GALNT18: variants seen among roughly 807,000 people sequenced by gnomAD.
GALNT18 encodes the protein polypeptide N-acetylgalactosaminyltransferase 18, also known as GalNAc-transferase 18.
In GALNT18, 44 loss-of-function variants were observed where a neutral mutation model predicts 69.5. The ratio of observed to expected loss-of-function variants is 0.63; its 90% CI spans 0.50 to 0.81. The LOEUF is 0.81. Ranked by LOEUF, GALNT18 falls within the 40% of genes least tolerant of loss-of-function variation. The probability of loss-of-function intolerance (pLI) is 0.00; values close to 1 mark genes in which losing one functional copy is unlikely to be tolerated. For missense variants in GALNT18, 715 were observed against 810.0 expected (o/e 0.88, Z 1.42); for synonymous variants, 364 against 318.2 (o/e 1.14, Z -1.53).
chr11:11,533,990 T>A (rs1358878984), intron 1 of GALNT18, among the ~76,000 whole-genome samples: 2 of 152,220 alleles, frequency 1.3e-5, no homozygotes, highest in Non-Finnish European at 2.9e-5. Flanking sequence ...TTGAGCTGTG[T>A]TGCTATGTGC....
intron 10 of GALNT18, among the ~76,000 whole-genome samples, chr11:11,279,881 T>G (rs1437469743): frequency 1.3e-5 from 2 of 152,178 alleles, no homozygotes; most frequent in Admixed American, 1.3e-4. Flanking sequence ...TGTTTCTGTA[T>G]GTATCCATGT....
At chr11:11,441,750 T>C (rs1855536101) in intron 2 of GALNT18, among the ~76,000 whole-genome samples, 1 of 152,178 alleles carries the variant, frequency 6.6e-6, no homozygotes, top group African/African-American at 2.4e-5. Context: ...GGTCCAGCAG[T>C]CATGGCCTAC....
chr11:11,614,278 G>A lies in GALNT18; in HGVS notation c.235+7081C>T, dbSNP rs139815238. ...AGACTCCAGGAAGCTTACAATCACA[G>A]CAGAAGGTAACAGGGAAGCAGGTAT... On this transcript the variant is annotated intron_variant, in intron 1 of 10. Coordinates refer to ENST00000227756, the MANE Select transcript of GALNT18 (RefSeq NM_198516.3). This position sits in a 1 kb window ranked among gnomAD's most constrained non-coding sequence, Gnocchi z 5.6. Among the ~76,000 whole-genome samples, 7 of 152,066 alleles carry A rather than the reference G, an allele frequency of 4.6e-5. No individual in the cohort carries two copies. In the East Asian group the frequency reaches 1.2e-3, roughly 25 times the overall value.
At chr11:11,379,543 A>G (rs1325429946) in intron 3 of GALNT18, among the ~76,000 whole-genome samples, 1 of 152,242 alleles carries the variant, frequency 6.6e-6, no homozygotes, top group African/African-American at 2.4e-5. Context: ...CTTCACAACA[A>G]GCCAATAGGA....
At position 11,358,826 on chromosome 11, in the gene GALNT18, AACACACAC is replaced by A. The variant is rs10644506; in HGVS notation, c.1092+13681_1092+13688del. ...AAGCTAACAGCCCCAATCCACACAA[AACACACAC>A]ACACACACACACACACACACACACA... On this transcript the variant is annotated intron_variant, in intron 6 of 10. Transcript: ENST00000227756. Among the ~76,000 whole-genome samples the A allele has an allele frequency of 1.4e-4, 16 of 110,908 alleles. 4 individuals carry two copies. The highest frequency in any genetic ancestry group is 8.4e-4 in the South Asian group (3 of 3,580). 72.8% of individuals were successfully genotyped at this position (110,908 alleles called of 152,430 possible).
chr11:11,340,805 C>T lies in GALNT18; in HGVS notation c.1278+14G>A, dbSNP rs372315275. Reference sequence around the variant, plus strand: ...CCAATCCCCGAGAAACTCATCCCTACCGGAGATCCCTACCTCCTGCGGTAT... The same window carrying T: ...CCAATCCCCGAGAAACTCATCCCTATCGGAGATCCCTACCTCCTGCGGTAT... On this transcript the variant is annotated intron_variant, in intron 7 of 10. Transcript: ENST00000227756. This position sits in a 1 kb window ranked among gnomAD's most constrained non-coding sequence, Gnocchi z 4.2. 5.0e-6 allele frequency: 8 copies of T among 1,593,136 alleles called. No homozygotes were observed. In the African/African-American group the frequency reaches 8.1e-5, roughly 16 times the overall value.
intron 10 of GALNT18, among the ~76,000 whole-genome samples, chr11:11,271,789 G>A (rs1848833537): frequency 6.6e-6 from 1 of 152,170 alleles, no homozygotes; most frequent in Non-Finnish European, 1.5e-5. Context: ...TTAGGCCACT[G>A]GGCCCCCTAA....
intron 6 of GALNT18, chr11:11,353,041 C>A: frequency 2.5e-6 from 4 of 1,614,194 alleles, no homozygotes; most frequent in South Asian, 1.1e-5. Context: ...ACATGTGACT[C>A]GTAATCCCAG....
Position 11,379,131 on chromosome 11 carries a change from A to G in GALNT18, c.729T>C (p.Thr243=). 6.2e-7 allele frequency: 1 copy of G among 1,610,954 alleles called. No individual in the cohort carries two copies. Among genetic ancestry groups the G allele is most frequent in the Non-Finnish European group, 8.5e-7 (1 of 1,179,882 alleles). The change falls in exon 4 of 11, where the codon ACT becomes ACC. Residue 243 remains threonine, a synonymous_variant. Coordinates refer to ENST00000227756, the MANE Select transcript of GALNT18 (RefSeq NM_198516.3). ...CATCAAAGAGTGCCACCACAGGGGC[A>G]GTGGCCGCCCTCCAGCCACTGACCC... ...RSRVSGWRAA[T]APVVALFDAH...
chr11:11,275,724 G>T (rs1388893219), intron 10 of GALNT18, among the ~76,000 whole-genome samples: 1 of 152,206 alleles, frequency 6.6e-6, no homozygotes, highest in East Asian at 1.9e-4. Context: ...ATGTAAGGAA[G>T]GGGTCCAGCT....
chr11:11,533,587 C>A (rs927785913), intron 1 of GALNT18, among the ~76,000 whole-genome samples: 1 of 152,220 alleles, frequency 6.6e-6, no homozygotes, highest in Non-Finnish European at 1.5e-5. Flanking sequence ...CTAACCATGG[C>A]ACCCCACTCT....
At chr11:11,483,291 C>T (rs569828640) in intron 1 of GALNT18, among the ~76,000 whole-genome samples, 3 of 152,296 alleles carry the variant, frequency 2.0e-5, no homozygotes, top group Admixed American at 6.5e-5. Flanking sequence ...CTGATTCCCC[C>T]GGCTGTAAGA....
intron 3 of GALNT18, among the ~76,000 whole-genome samples, chr11:11,416,028 A>G (rs1165319551): frequency 6.6e-6 from 1 of 152,224 alleles, no homozygotes; most frequent in Non-Finnish European, 1.5e-5. Context: ...CACTCAGCAA[A>G]CAACTTTGTT....
rs779942546 is a variant in GALNT18, at chr11:11,432,796, A to G, written c.429-9T>C. ...ATGAGAGGTTACGGCACCTGCAAAG[A>G]ACAGCCAAGCGCTTAGATTTGTGAC... On this transcript the variant is annotated splice_polypyrimidine_tract_variant and intron_variant, in intron 2 of 10. Coordinates refer to ENST00000227756, the MANE Select transcript of GALNT18 (RefSeq NM_198516.3). This position sits in a 1 kb window ranked among gnomAD's most constrained non-coding sequence, Gnocchi z 5.8. 6 of 1,612,676 alleles carry G rather than the reference A, an allele frequency of 3.7e-6. No homozygotes were observed. The highest frequency in any genetic ancestry group is 4.2e-6 in the Non-Finnish European group (5 of 1,178,902).
At chr11:11,429,774 A>G (rs572770352) in intron 3 of GALNT18, among the ~76,000 whole-genome samples, 1 of 152,184 alleles carries the variant, frequency 6.6e-6, no homozygotes, top group Non-Finnish European at 1.5e-5. Flanking sequence ...TGGACACCAA[A>G]TATGTTCAAA....
chr11:11,317,013 A>G (rs1310354506), intron 9 of GALNT18, among the ~76,000 whole-genome samples: 1 of 152,246 alleles, frequency 6.6e-6, no homozygotes, highest in Admixed American at 6.5e-5. Context: ...AGACCCCACT[A>G]TTGTATGTTT....
chr11:11,275,910 G>A (rs541689785), intron 10 of GALNT18, among the ~76,000 whole-genome samples: 13 of 152,306 alleles, frequency 8.5e-5, no homozygotes, highest in African/African-American at 3.1e-4. Flanking sequence ...TTTGGTACCA[G>A]TACCATGCTG....
chr11:11,520,348 G>A (rs1317114606), intron 1 of GALNT18, among the ~76,000 whole-genome samples: 94 of 152,204 alleles, frequency 6.2e-4, no homozygotes, highest in Admixed American at 5.8e-3. Flanking sequence ...CGCAAGCAGC[G>A]AGGCGCCTGG....
intron 10 of GALNT18, among the ~76,000 whole-genome samples, chr11:11,277,774 G>A (rs1848981403): frequency 1.3e-5 from 2 of 152,176 alleles, no homozygotes; most frequent in South Asian, 4.1e-4. Context: ...TAGTAACTTA[G>A]GAGCAAGTTG....
Sources: allele counts gnomAD v4.1 joint callset (sites outside exome capture counted in the v4.1 genomes callset), GRCh38; gene constraint gnomAD v4.1.1; non-coding constraint Gnocchi (gnomAD v3.1); transcripts MANE v1.5; gene names NCBI Gene and HGNC (gene_info 2026-07-23, HGNC 2026-07-21).